Variants in CTU2 observed in about 807,000 individuals in gnomAD.
The protein encoded by CTU2 is cytoplasmic tRNA 2-thiolation protein 2.
A neutral mutation model predicts 64.1 loss-of-function variants in CTU2; 80 were observed. That is an observed-to-expected ratio of 1.25 (90% CI 1.04 to 1.50). CTU2 has a LOEUF of 1.50. Among genes scored for constraint, CTU2 ranks in the 40% most tolerant of loss-of-function variants. CTU2 has a pLI of 0.00. For synonymous variants in CTU2, 482 were observed against 285.3 expected (o/e 1.69, Z -6.95); for missense variants, 1,110 against 690.2 (o/e 1.61, Z -6.81).
intron 10 of CTU2, 45 bp downstream of exon 10, chr16:88,714,272 C>CGGGG: frequency 3.1e-6 from 5 of 1,592,014 alleles, no homozygotes; most frequent in Non-Finnish European, 4.3e-6. Flanking sequence ...CGGGTGTGTG[C>CGGGG]TGTGCGCGGG....
rs1567649168 is a variant in CTU2, at chr16:88,712,617, GGAA to G, written c.454-3_454-1del. ...GCCTCACTGGCGTCTCCCTCATCCC[GGAA>G]GGTGTTCAGCCTGCCACCGTCGGTG... is the stretch of plus-strand genomic sequence containing the variant. On this transcript the variant is annotated splice_acceptor_variant and splice_polypyrimidine_tract_variant and intron_variant, in intron 6 of 14. Coordinates refer to ENST00000453996, the MANE Select transcript of CTU2 (RefSeq NM_001012759.3). LOFTEE classifies it high-confidence loss of function. 1.2e-6 allele frequency: 2 copies of G among 1,608,734 alleles called. No individual in the cohort carries two copies. The highest frequency in any genetic ancestry group is 1.1e-5 in the South Asian group (1 of 90,740).
chr16:88,714,617 C>T lies in CTU2; in HGVS notation c.1232C>T (p.Ser411Phe), dbSNP rs762656213. ...DSATAFGAQT[S>F]SRLSQMQSPI... ...GCCACGGCTTTTGGGGCTCAGACCTCCTCGCGTCTCTCCCAGATGCAGTCA... is the reference window on the plus strand; with the variant it reads ...GCCACGGCTTTTGGGGCTCAGACCTTCTCGCGTCTCTCCCAGATGCAGTCA... The change falls in exon 12 of 15, where the codon TCC becomes TTC. Residue 411 changes from serine to phenylalanine, a missense_variant. Physicochemically the swap from Ser to Phe is radical, Grantham distance 155 (BLOSUM62 -2). Coordinates refer to ENST00000453996, the MANE Select transcript of CTU2 (RefSeq NM_001012759.3). 8.7e-6 allele frequency: 14 copies of T among 1,612,524 alleles called. No individual in the cohort carries two copies. The highest frequency in any genetic ancestry group is 4.5e-5 in the East Asian group (2 of 44,874).
rs758819563 is a variant in CTU2 at position 88,713,335 on chromosome 16, C to T, written c.761C>T (p.Ala254Val). 1 of 1,600,810 alleles carries T rather than the reference C, an allele frequency of 6.2e-7. No individual in the cohort carries two copies. Among genetic ancestry groups the T allele is most frequent in the African/African-American group, 1.4e-5 (1 of 73,414 alleles). The change falls in exon 8 of 15, where the codon GCC (alanine) becomes GTC (valine). Residue 254 changes from alanine (A) to valine (V), a missense_variant. Physicochemically the swap from Ala to Val is moderately conservative, Grantham distance 64. Coordinates refer to ENST00000453996, the MANE Select transcript of CTU2 (RefSeq NM_001012759.3). ...TLRTHLILHM[A>V]RAHGYSKVMT... ...AGGACCCACCTGATCCTCCACATGGCCCGAGCCCACGGCTACTCCAAGGTC... is the reference window on the plus strand; with the variant it reads ...AGGACCCACCTGATCCTCCACATGGTCCGAGCCCACGGCTACTCCAAGGTC...
chr16:88,712,149 C>A, intron 5 of CTU2, 125 bp from the exon 6 acceptor site: 1 of 839,892 alleles, frequency 1.2e-6, no homozygotes, highest in Non-Finnish European at 2.0e-6. Context: ...CACCCCACAG[C>A]TCCGCCAGGA....
Position 88,712,401 on chromosome 16 carries a change from G to T in CTU2, c.453+18G>T. The T allele has an allele frequency of 6.3e-7, 1 of 1,579,342 alleles. No homozygotes were observed. Among genetic ancestry groups the T allele is most frequent in the Non-Finnish European group, 8.6e-7 (1 of 1,158,948 alleles). ...TAGAGGAGGTGGGAGGGCTGTCCCT[G>T]GAAAGGGGTCCCGGAGGTGACCCCT... is the stretch of plus-strand genomic sequence containing the variant. On this transcript the variant is annotated intron_variant, in intron 6 of 14. Coordinates refer to ENST00000453996, the MANE Select transcript of CTU2 (RefSeq NM_001012759.3).
In CTU2 at chr16:88,713,306, C is replaced by T. The variant is rs199949810; in HGVS notation, c.738-6C>T. ...CCCCAGGCCCCTGAGACGCTCTGTG[C>T]TTTAGGACCCACCTGATCCTCCACA... On this transcript the variant is annotated splice_region_variant and splice_polypyrimidine_tract_variant and intron_variant, in intron 7 of 14. Coordinates refer to ENST00000453996, the MANE Select transcript of CTU2 (RefSeq NM_001012759.3). The T allele has an allele frequency of 5.2e-4, 827 of 1,580,032 alleles. 1 individual carries two copies. Among genetic ancestry groups the T allele is most frequent in the Non-Finnish European group, 6.4e-4 (748 of 1,163,948 alleles).
intron 10 of CTU2, 47 bp downstream of exon 10, chr16:88,714,274 G>C (rs878935902): frequency 8.3e-7 from 1 of 1,205,472 alleles, no homozygotes; most frequent in Non-Finnish European, 1.2e-6. Context: ...GGTGTGTGCT[G>C]TGCGCGGGTG....
chr16:88,713,857 C>T (rs1911603546), intron 9 of CTU2, 79 bp downstream of exon 9: 2 of 1,566,388 alleles, frequency 1.3e-6, no homozygotes, highest in African/African-American at 1.3e-5. Context: ...CTCTCACAGG[C>T]TCAGGTCACC....
intron 2 of CTU2, among the ~76,000 whole-genome samples, chr16:88,708,463 A>G (rs115942789): frequency 0.047 from 7,195 of 152,180 alleles, 212 homozygotes; most frequent in South Asian, 0.092. Flanking sequence ...TGTAGGGCGC[A>G]GAGGCTCTCC....
chr16:88,710,004 T>G lies in CTU2; in HGVS notation c.210T>G (p.Phe70Leu). The G allele has an allele frequency of 6.2e-7, 1 of 1,613,914 alleles. No individual in the cohort carries two copies. Among genetic ancestry groups the G allele is most frequent in the Non-Finnish European group, 8.5e-7 (1 of 1,180,008 alleles). The part of the protein sequence containing the change: ...RAMLGKNRLI[F>L]PGEKVLLAWS... ...TGCTGGGCAAGAACCGGCTCATCTT[T>G]CCAGGCGAGAAGGTAGCGTCTGGGT... The change falls in exon 3 of 15, where the codon TTT (phenylalanine) becomes TTG (leucine). Residue 70 changes from phenylalanine (F) to leucine (L), a missense_variant. By Grantham distance (22) the Phe-to-Leu change is conservative. Transcript: ENST00000453996.
At chr16:88,713,543 G>A (rs1911550799) in intron 8 of CTU2, 96 bp downstream of exon 8, 3 of 1,141,640 alleles carry the variant, frequency 2.6e-6, no homozygotes, top group East Asian at 5.9e-5. Flanking sequence ...CAGTCCTGCG[G>A]CCTCGGATGG....
Position 88,708,473 on chromosome 16 carries a change from CTGGTCCACAG to C in CTU2, c.143+1266_143+1275del, listed in dbSNP as rs1413100861. Reference sequence around the variant, plus strand: ...GGTGGTGTAGGGCGCAGAGGCTCTCCTGGTCCACAGTGCGGAGGTGAAGCCCAGCACCTGT... The same window carrying C: ...GGTGGTGTAGGGCGCAGAGGCTCTCCTGCGGAGGTGAAGCCCAGCACCTGT... On this transcript the variant is annotated intron_variant, in intron 2 of 14. Coordinates refer to ENST00000453996, the MANE Select transcript of CTU2 (RefSeq NM_001012759.3). 9.2e-5 allele frequency among the ~76,000 whole-genome samples: 14 copies of C among 152,222 alleles called. No individual in the cohort carries two copies. The South Asian group carries it at 2.1e-3, about 23-fold the overall frequency.
In CTU2 at chr16:88,714,166, A is replaced by G. The variant is rs1479697824; in HGVS notation, c.1036A>G (p.Met346Val). ...APEKASIHRLMEAFILRLQTQ... is the reference protein window; with the variant it reads ...APEKASIHRLVEAFILRLQTQ... Reference sequence around the variant, plus strand: ...TGAAAAGGCCAGCATCCACCGGCTGATGGAGGCCTTCATCCTCAGGCTGCA... The same window carrying G: ...TGAAAAGGCCAGCATCCACCGGCTGGTGGAGGCCTTCATCCTCAGGCTGCA... Residue 346 changes from methionine (M) to valine (V), a missense_variant, in exon 10 of 15, where the codon ATG becomes GTG. Physicochemically the swap from Met to Val is conservative, Grantham distance 21. Transcript: ENST00000453996. 6.2e-7 allele frequency: 1 copy of G among 1,612,696 alleles called. No individual in the cohort carries two copies. The highest frequency in any genetic ancestry group is 8.5e-7 in the Non-Finnish European group (1 of 1,179,904).
intron 2 of CTU2, 36 bp from the exon 3 acceptor site, chr16:88,709,902 A>C: frequency 6.3e-7 from 1 of 1,589,774 alleles, no homozygotes; most frequent in Non-Finnish European, 8.6e-7. Context: ...CTGTGCGGGT[A>C]GCAGGCGGTT....
intron 6 of CTU2, 52 bp from the exon 7 acceptor site, chr16:88,712,570 G>A: frequency 8.2e-6 from 13 of 1,582,812 alleles, no homozygotes; most frequent in Non-Finnish European, 1.0e-5. Context: ...CTGTCTGTGG[G>A]GGGCACCTGC....
chr16:88,711,659 A>T lies in CTU2; in HGVS notation c.307A>T (p.Arg103Ter), dbSNP rs1911328353. Residue 103 changes from arginine (R) to a stop codon, truncating the protein, a stop_gained, in exon 5 of 15, where the codon AGA (arginine) becomes TGA (stop). Coordinates refer to ENST00000453996, the MANE Select transcript of CTU2 (RefSeq NM_001012759.3). LOFTEE classifies it high-confidence loss of function. ...LEGLSQDSAKRLRFVAGVIFV... is the reference protein window; with the variant it reads ...LEGLSQDSAK ...GGGCCTGAGCCAAGATTCTGCCAAA[A>T]GACTGCGCTTTGTGGCAGGAGTCAT... is the stretch of plus-strand genomic sequence containing the variant. The T allele has an allele frequency of 6.2e-7, 1 of 1,608,010 alleles. No individual in the cohort carries two copies. Among genetic ancestry groups the T allele is most frequent in the African/African-American group, 1.3e-5 (1 of 74,860 alleles).
intron 1 of CTU2, 141 bp downstream of exon 1, chr16:88,706,739 G>A: frequency 4.9e-6 from 3 of 609,736 alleles, no homozygotes; most frequent in Non-Finnish European, 7.8e-6. Context: ...GGGAATGCCT[G>A]TCAAGCGGTG....
chr16:88,712,550 G>C, intron 6 of CTU2, 72 bp from the exon 7 acceptor site: 1 of 1,557,452 alleles, frequency 6.4e-7, no homozygotes, highest in Non-Finnish European at 8.7e-7. Context: ...CCGCATCCCG[G>C]AAGGTGGGGC....
chr16:88,713,288 C>T (rs748494000), intron 7 of CTU2, 24 bp from the exon 8 acceptor site: 1 of 1,543,502 alleles, frequency 6.5e-7, no homozygotes, highest in Non-Finnish European at 8.8e-7. Context: ...ACCCCCCAGG[C>T]CCCTGAGACG....
Sources: allele counts gnomAD v4.1 joint callset (sites outside exome capture counted in the v4.1 genomes callset), GRCh38; gene constraint gnomAD v4.1.1; transcripts MANE v1.5; gene names NCBI Gene and HGNC (gene_info 2026-07-23, HGNC 2026-07-21).